Variants in CSMD1 observed in about 807,000 individuals in gnomAD.
The protein encoded by CSMD1 is CUB and sushi domain-containing protein 1.
A neutral mutation model predicts 417.5 loss-of-function variants in CSMD1; 213 were observed. The ratio of observed to expected loss-of-function variants is 0.51; its 90% CI spans 0.46 to 0.57. The LOEUF (loss-of-function observed/expected upper bound fraction) is 0.57. CSMD1 is among the 20% of genes least tolerant of loss of function. The probability of loss-of-function intolerance (pLI) is 0.00; values close to 1 mark genes in which losing one functional copy is unlikely to be tolerated. For missense variants in CSMD1, 6,923 were observed against 4,529.7 expected (o/e 1.53, Z -15.17); for synonymous variants, 2,862 against 1,736.8 (o/e 1.65, Z -16.11).
chr8:3,896,218 T>A (rs771672984), intron 5 of CSMD1, among the ~76,000 whole-genome samples: 16 of 152,176 alleles, frequency 1.1e-4, no homozygotes, highest in African/African-American at 3.4e-4. Flanking sequence ...TCCAATTCTA[T>A]AGCCTGGTTG....
chr8:3,077,689 A>G (rs147307891), intron 49 of CSMD1, among the ~76,000 whole-genome samples: 138 of 152,360 alleles, frequency 9.1e-4, no homozygotes, highest in African/African-American at 3.2e-3. Context: ...TACCCACTGC[A>G]GCCCCGACCC....
intron 2 of CSMD1, among the ~76,000 whole-genome samples, chr8:4,583,442 A>T (rs188667726): frequency 6.6e-6 from 1 of 151,960 alleles, no homozygotes; most frequent in Non-Finnish European, 1.5e-5. Context: ...ACCAATCGAC[A>T]CTCTGTATCT....
intron 6 of CSMD1, among the ~76,000 whole-genome samples, chr8:3,739,224 T>C (rs6981739): frequency 0.72 from 109,672 of 152,140 alleles, 41,227 homozygotes; most frequent in Non-Finnish European, 0.82. Flanking sequence ...TCCTCAAACT[T>C]TTGTCCCAGG....
chr8:3,234,493 C>G (rs1363652475), intron 26 of CSMD1, among the ~76,000 whole-genome samples: 1 of 151,932 alleles, frequency 6.6e-6, no homozygotes, highest in Non-Finnish European at 1.5e-5. Context: ...CAGTGGAGAT[C>G]TAGAAGAGAG....
At chr8:3,533,246 G>C (rs1174693116) in intron 10 of CSMD1, among the ~76,000 whole-genome samples, 1 of 152,088 alleles carries the variant, frequency 6.6e-6, no homozygotes, top group Non-Finnish European at 1.5e-5. Flanking sequence ...TTATTGATAA[G>C]GATAGATTAC....
chr8:4,298,397 G>A (rs899630140), intron 3 of CSMD1, among the ~76,000 whole-genome samples: 3 of 151,908 alleles, frequency 2.0e-5, no homozygotes, highest in African/African-American at 7.3e-5. Context: ...TTGAATCCAA[G>A]AATACCATAC....
At chr8:2,952,528 T>C (rs148501079) in intron 65 of CSMD1, among the ~76,000 whole-genome samples, 23 of 152,322 alleles carry the variant, frequency 1.5e-4, no homozygotes, top group Admixed American at 9.8e-4. Context: ...AAAACTCATA[T>C]ATCCACACAA....
At chr8:4,555,037 T>C (rs539069772) in intron 2 of CSMD1, among the ~76,000 whole-genome samples, 82 of 152,190 alleles carry the variant, frequency 5.4e-4, no homozygotes, top group Admixed American at 5.9e-4. Flanking sequence ...GAGATGCTGG[T>C]AGGAGCCAGC....
chr8:3,545,627 C>G (rs1331026348), intron 10 of CSMD1, among the ~76,000 whole-genome samples: 2 of 152,132 alleles, frequency 1.3e-5, no homozygotes, highest in East Asian at 1.9e-4. Context: ...CCAAGTTGAG[C>G]AATTCAGGTG....
chr8:3,690,256 G>A (rs1271257952), intron 7 of CSMD1, among the ~76,000 whole-genome samples: 2 of 152,312 alleles, frequency 1.3e-5, no homozygotes, highest in Admixed American at 1.3e-4. Flanking sequence ...CTACTTGGGA[G>A]GAGGCTGAGT....
At chr8:4,133,676 G>A (rs993906603) in intron 3 of CSMD1, among the ~76,000 whole-genome samples, 1 of 150,640 alleles carries the variant, frequency 6.6e-6, no homozygotes, top group Non-Finnish European at 1.5e-5. Flanking sequence ...GGGAAAATAT[G>A]TACAAACATT....
At chr8:4,409,306 T>C (rs1413268607) in intron 3 of CSMD1, among the ~76,000 whole-genome samples, 1 of 151,906 alleles carries the variant, frequency 6.6e-6, no homozygotes, top group African/African-American at 2.4e-5. Flanking sequence ...AATATATGTG[T>C]TTTTTCTTCT....
chr8:4,670,162 A>C (rs1193536738), intron 1 of CSMD1, among the ~76,000 whole-genome samples: 1 of 152,194 alleles, frequency 6.6e-6, no homozygotes, highest in East Asian at 1.9e-4. Flanking sequence ...TCCTACACTC[A>C]CATTAATTTT....
At chr8:3,090,107 G>A (rs1278190157) in intron 48 of CSMD1, among the ~76,000 whole-genome samples, 1 of 151,884 alleles carries the variant, frequency 6.6e-6, no homozygotes, top group African/African-American at 2.4e-5. Context: ...AAGGTCAGGA[G>A]ATCGTGACCA....
chr8:4,671,741 G>A (rs1378017346), intron 1 of CSMD1, among the ~76,000 whole-genome samples: 1 of 152,026 alleles, frequency 6.6e-6, no homozygotes, highest in African/African-American at 2.4e-5. Flanking sequence ...GTGTGTGTGT[G>A]CTTGTGTGTG....
intron 12 of CSMD1, among the ~76,000 whole-genome samples, chr8:3,427,676 C>T (rs1313525776): frequency 6.6e-6 from 1 of 152,142 alleles, no homozygotes; most frequent in Non-Finnish European, 1.5e-5. Context: ...TCTGTTAACT[C>T]ACTTTATCCC....
chr8:3,072,310 C>G (rs951235486), intron 49 of CSMD1, among the ~76,000 whole-genome samples: 1 of 152,160 alleles, frequency 6.6e-6, no homozygotes, highest in Non-Finnish European at 1.5e-5. Context: ...ATATATCAAA[C>G]CAATCCACAA....
chr8:4,941,858 C>T (rs754550871), intron 1 of CSMD1, among the ~76,000 whole-genome samples: 1 of 152,174 alleles, frequency 6.6e-6, no homozygotes, highest in Non-Finnish European at 1.5e-5. Context: ...CCTCAGCCTA[C>T]CAAAGTGCTA....
intron 3 of CSMD1, among the ~76,000 whole-genome samples, chr8:4,097,675 C>G (rs575827615): frequency 6.6e-6 from 1 of 152,160 alleles, no homozygotes; most frequent in African/African-American, 2.4e-5. Context: ...TTGTTTAAGA[C>G]AGTGAATTTT....
Sources: gnomAD v4.1 joint callset for allele counts (sites outside exome capture counted in the v4.1 genomes callset) on GRCh38, gnomAD v4.1.1 for gene constraint, MANE v1.5 for transcripts, NCBI Gene and HGNC (gene_info 2026-07-23, HGNC 2026-07-21) for gene names.